Variants in TFEC observed in about 807,000 individuals in gnomAD.
TFEC encodes class E basic helix-loop-helix protein 34.
Under a neutral mutation model 41.6 loss-of-function variants are expected in TFEC, and 31 were observed. That is an observed-to-expected ratio of 0.74 (90% CI 0.56 to 1.01). The LOEUF (loss-of-function observed/expected upper bound fraction) is 1.01, where lower values mean the gene tolerates loss of function less well. Among genes scored for constraint, TFEC ranks in the 50% least tolerant of loss-of-function variants. TFEC has a pLI of 0.00. For missense variants in TFEC, 402 were observed against 404.1 expected (o/e 0.99, Z 0.04); for synonymous variants, 143 against 140.6 (o/e 1.02, Z -0.12).
At chr7:116,104,723 C>T (rs750926438) in intron 3 of TFEC, among the ~76,000 whole-genome samples, 5 of 150,332 alleles carry the variant, frequency 3.3e-5, no homozygotes, top group Non-Finnish European at 5.9e-5. Flanking sequence ...ATACAGTCCA[C>T]TTGACATAAT....
At chr7:116,132,005 G>T (rs1798342324) in intron 1 of TFEC, among the ~76,000 whole-genome samples, 1 of 152,098 alleles carries the variant, frequency 6.6e-6, no homozygotes, top group African/African-American at 2.4e-5. Flanking sequence ...AGGTCATTAT[G>T]CTTCACTTTA....
At chr7:116,153,674 G>T (rs1490106068) in intron 1 of TFEC, among the ~76,000 whole-genome samples, 3 of 151,790 alleles carry the variant, frequency 2.0e-5, no homozygotes, top group Non-Finnish European at 4.4e-5. Context: ...AAAAAAAAAA[G>T]CTCTTCCTTC....
intron 3 of TFEC, among the ~76,000 whole-genome samples, chr7:115,972,782 T>C (rs114398844): frequency 3.5e-4 from 54 of 152,216 alleles, no homozygotes; most frequent in African/African-American, 1.1e-3. Context: ...AATTTTTTAC[T>C]GAGTAAACCA....
chr7:116,077,705 A>G (rs1375748496), intron 3 of TFEC, among the ~76,000 whole-genome samples: 1 of 152,120 alleles, frequency 6.6e-6, no homozygotes, highest in Non-Finnish European at 1.5e-5. Context: ...TGATAAATGG[A>G]CTAGTTCAAC....
chr7:115,988,717 T>C (rs949715157), intron 1 of TFEC, among the ~76,000 whole-genome samples: 3 of 151,490 alleles, frequency 2.0e-5, no homozygotes, highest in Admixed American at 6.6e-5. Context: ...AAACCACAGA[T>C]CCAGGAAGCT....
chr7:116,052,822 C>T (rs1796343995), intron 3 of TFEC, among the ~76,000 whole-genome samples: 1 of 151,608 alleles, frequency 6.6e-6, no homozygotes, highest in African/African-American at 2.4e-5. Context: ...GTAATCCCAG[C>T]ACTTTGGGAG....
intron 3 of TFEC, among the ~76,000 whole-genome samples, chr7:116,083,832 T>G (rs1797144272): frequency 6.6e-6 from 1 of 151,928 alleles, no homozygotes; most frequent in African/African-American, 2.4e-5. Flanking sequence ...TACAAGTTCT[T>G]ACTTGGCCAT....
At chr7:116,026,396 GTAAT>G (rs2130873851) in intron 1 of TFEC, among the ~76,000 whole-genome samples, 1 of 152,294 alleles carries the variant, frequency 6.6e-6, no homozygotes, top group South Asian at 2.1e-4. Context: ...ATTTGTCTCT[GTAAT>G]TAATTGTTGA....
At chr7:116,018,800 G>A (rs1795287577) in intron 1 of TFEC, among the ~76,000 whole-genome samples, 1 of 152,150 alleles carries the variant, frequency 6.6e-6, no homozygotes, top group Non-Finnish European at 1.5e-5. Flanking sequence ...CTAAAACAAT[G>A]CCAGCTGGAT....
At chr7:116,113,806 C>T (rs551706959) in intron 1 of TFEC, among the ~76,000 whole-genome samples, 1 of 152,052 alleles carries the variant, frequency 6.6e-6, no homozygotes, top group South Asian at 2.1e-4. Flanking sequence ...CCAAAATGTT[C>T]ACTTATGGAT....
At chr7:116,041,284 T>C (rs969071680) in intron 3 of TFEC, among the ~76,000 whole-genome samples, 1 of 148,210 alleles carries the variant, frequency 6.7e-6, no homozygotes, top group South Asian at 2.1e-4. Flanking sequence ...AAGGAAGCAT[T>C]AAAAAAAAAG....
intron 1 of TFEC, among the ~76,000 whole-genome samples, chr7:116,001,355 C>T (rs757061444): frequency 2.6e-5 from 4 of 151,792 alleles, no homozygotes; most frequent in South Asian, 2.1e-4. Flanking sequence ...ATTAACGAGA[C>T]GTGGCAGTGT....
chr7:116,082,742 T>C (rs1797119009), intron 3 of TFEC, among the ~76,000 whole-genome samples: 2 of 152,074 alleles, frequency 1.3e-5, no homozygotes, highest in Admixed American at 6.6e-5. Flanking sequence ...GTCTAATTAG[T>C]AGAGATTTCA....
chr7:116,159,350 A>C (rs911198897), intron 1 of TFEC, among the ~76,000 whole-genome samples: 1 of 151,936 alleles, frequency 6.6e-6, no homozygotes, highest in Non-Finnish European at 1.5e-5. Flanking sequence ...TGATTAATCG[A>C]TGCTAGATTA....
intron 1 of TFEC, among the ~76,000 whole-genome samples, chr7:116,011,595 T>C (rs932908901): frequency 2.6e-5 from 4 of 152,122 alleles, no homozygotes; most frequent in Non-Finnish European, 5.9e-5. Context: ...ATTGTCCAGG[T>C]ATTAACAATA....
rs576714439 is a variant in TFEC at position 116,009,707 on chromosome 7, C to T, written c.-73+20926G>A. 1.1e-3 allele frequency among the ~76,000 whole-genome samples: 171 copies of T among 152,134 alleles called. 1 individual carries two copies. The highest frequency in any genetic ancestry group is 3.9e-3 in the African/African-American group (160 of 41,514). ...TCATTCAAGTGAAAGTCAGTTCTTG[C>T]TAGTAAATTCACTGATTGATTCATT... On this transcript the variant is annotated intron_variant, in intron 1 of 7. Transcript: ENST00000265440.
intron 1 of TFEC, among the ~76,000 whole-genome samples, chr7:116,142,737 TA>T (rs1798566429): frequency 6.6e-6 from 1 of 152,202 alleles, no homozygotes; most frequent in Non-Finnish European, 1.5e-5. Context: ...GGAAGGATTC[TA>T]AAAATTTTCA....
chr7:116,159,360 A>C (rs1260356717), intron 1 of TFEC, among the ~76,000 whole-genome samples: 1 of 152,024 alleles, frequency 6.6e-6, no homozygotes, highest in Admixed American at 6.6e-5. Flanking sequence ...ATGCTAGATT[A>C]ATAAATTCTA....
intron 3 of TFEC, among the ~76,000 whole-genome samples, chr7:116,099,709 A>G (rs1331393575): frequency 1.3e-5 from 2 of 152,204 alleles, no homozygotes; most frequent in Non-Finnish European, 2.9e-5. Context: ...AAGCGAATGA[A>G]CCTAGCCCAT....
Sources: gnomAD v4.1 joint callset for allele counts (sites outside exome capture counted in the v4.1 genomes callset) on GRCh38, gnomAD v4.1.1 for gene constraint, MANE v1.5 for transcripts, NCBI Gene and HGNC (gene_info 2026-07-23, HGNC 2026-07-21) for gene names.